The following DRAM1 variants were observed in gnomAD, a reference collection of about 807,000 sequenced individuals.
The protein encoded by DRAM1 is DNA damage-regulated autophagy modulator protein 1.
DRAM1 carries 25 observed loss-of-function variants against 28.5 expected under a neutral mutation model. The ratio of observed to expected loss-of-function variants is 0.88; its 90% CI spans 0.64 to 1.23. DRAM1 has a LOEUF of 1.23. DRAM1 is among the 50% of genes most tolerant of loss of function. DRAM1 has a pLI of 0.00. For synonymous variants in DRAM1, 113 were observed against 114.2 expected (o/e 0.99, Z 0.07); for missense variants, 249 against 299.2 (o/e 0.83, Z 1.24).
At chr12:101,905,257 A>T (rs1873759595) in intron 3 of DRAM1, among the ~76,000 whole-genome samples, 1 of 151,960 alleles carries the variant, frequency 6.6e-6, no homozygotes, top group South Asian at 2.1e-4. Flanking sequence ...TAGGAATCTT[A>T]TTTATTTATT....
chr12:101,898,178 G>A (rs1349294090), intron 2 of DRAM1, among the ~76,000 whole-genome samples: 4 of 151,874 alleles, frequency 2.6e-5, no homozygotes, highest in African/African-American at 9.7e-5. Flanking sequence ...ACACCACCAC[G>A]CCCAGCTAAT....
intron 3 of DRAM1, among the ~76,000 whole-genome samples, chr12:101,905,567 C>T (rs1295742521): frequency 6.6e-6 from 1 of 151,886 alleles, no homozygotes; most frequent in African/African-American, 2.4e-5. Context: ...CAGACATAAG[C>T]CACTGTGCCC....
intron 5 of DRAM1, among the ~76,000 whole-genome samples, chr12:101,919,284 GCA>G (rs545205706): frequency 0.24 from 34,802 of 147,070 alleles, 5,283 homozygotes; most frequent in African/African-American, 0.44. Flanking sequence ...ACACACACAC[GCA>G]CACACACACA....
Position 101,877,752 on chromosome 12 carries a change from G to A in DRAM1, c.-38G>A. On this transcript the variant is annotated 5_prime_UTR_variant, in exon 1 of 7. Coordinates refer to ENST00000258534, the MANE Select transcript of DRAM1 (RefSeq NM_018370.3). This position sits in a 1 kb window ranked among gnomAD's most constrained non-coding sequence, Gnocchi z 4.1. ...CCGGAGCAACCCGGCGCCCGGCCCC[G>A]CTGGGCGCAGCACTCCGTCGGCGGC... 4.2e-6 allele frequency: 6 copies of A among 1,415,144 alleles called. No individual in the cohort carries two copies. The highest frequency in any genetic ancestry group is 5.6e-6 in the Non-Finnish European group (6 of 1,078,006). 87.7% of individuals were successfully genotyped at this position (1,415,144 alleles called of 1,614,324 possible). A position where few individuals can be genotyped will look rare whatever the true frequency, so the allele number is the denominator to read the frequency against.
Position 101,901,420 on chromosome 12 carries a change from T to C in DRAM1, c.329T>C (p.Val110Ala). 6.2e-7 allele frequency: 1 copy of C among 1,614,106 alleles called. No individual in the cohort carries two copies. The highest frequency in any genetic ancestry group is 8.5e-7 in the Non-Finnish European group (1 of 1,179,990). ...GTGGGATGTTTCGGAATGGGCATTG[T>C]CGCCAATTTTCAGGTATAATCTGGA... is the stretch of plus-strand genomic sequence containing the variant. ...GLVGCFGMGI[V>A]ANFQELAVPV... The change falls in exon 3 of 7, where the codon GTC becomes GCC. Residue 110 changes from valine to alanine, a missense_variant. Val to Ala is a moderately conservative substitution (Grantham distance 64). This residue lies in a region of DRAM1 where 218 missense variants were observed against 243.1 expected (regional missense o/e 0.90). Coordinates refer to ENST00000258534, the MANE Select transcript of DRAM1 (RefSeq NM_018370.3).
chr12:101,909,043 CCT>C (rs1164508565), intron 4 of DRAM1, among the ~76,000 whole-genome samples: 3 of 151,580 alleles, frequency 2.0e-5, no homozygotes. Context: ...GGGTGGATCA[CCT>C]GAGGTTGAGA....
chr12:101,901,868 C>CA (rs57574986), intron 3 of DRAM1, among the ~76,000 whole-genome samples: 15,034 of 114,198 alleles, frequency 0.13, 996 homozygotes, highest in Middle Eastern at 0.25. Context: ...GACTCTATCT[C>CA]AAAAAAAAAA....
intron 3 of DRAM1, among the ~76,000 whole-genome samples, chr12:101,902,640 G>T (rs1873648932): frequency 6.6e-6 from 1 of 152,178 alleles, no homozygotes; most frequent in Admixed American, 6.5e-5. Context: ...CCATTTAAGG[G>T]CTGACTTTAA....
chr12:101,899,230 G>T (rs1161495041), intron 2 of DRAM1, among the ~76,000 whole-genome samples: 7 of 152,190 alleles, frequency 4.6e-5, no homozygotes, highest in African/African-American at 1.4e-4. Context: ...TAGCAATATG[G>T]AGTCAGTCAA....
At chr12:101,890,253 A>G (rs1201589464) in intron 1 of DRAM1, 4 of 322,054 alleles carry the variant, frequency 1.2e-5, no homozygotes, top group African/African-American at 2.3e-5. Context: ...TAATTTTTGT[A>G]TTTTTTAGTA....
chr12:101,885,432 A>G (rs531704107), intron 1 of DRAM1, among the ~76,000 whole-genome samples: 1 of 152,056 alleles, frequency 6.6e-6, no homozygotes, highest in South Asian at 2.1e-4. Context: ...GTTTAACACC[A>G]GGTTTCCCAT....
chr12:101,886,692 T>G (rs547705580), intron 1 of DRAM1, among the ~76,000 whole-genome samples: 1 of 152,238 alleles, frequency 6.6e-6, no homozygotes, highest in Non-Finnish European at 1.5e-5. Flanking sequence ...CTTGCTTCTC[T>G]TACCCATGTC....
In DRAM1 at chr12:101,877,666, C is replaced by G. The variant is rs959829049; in HGVS notation, c.-124C>G. 34 of 672,330 alleles carry G rather than the reference C, an allele frequency of 5.1e-5. No individual in the cohort carries two copies. The highest frequency in any genetic ancestry group is 6.8e-5 in the Non-Finnish European group (33 of 488,808). 41.6% of individuals were successfully genotyped at this position (672,330 alleles called of 1,614,324 possible). Reference sequence around the variant, plus strand: ...CCGGGGCTGGGCCTGCCCCGGCCGTCGCGGAGCCTCCCCTCCCACCGTCCG... The same window carrying G: ...CCGGGGCTGGGCCTGCCCCGGCCGTGGCGGAGCCTCCCCTCCCACCGTCCG... On this transcript the variant is annotated 5_prime_UTR_variant, in exon 1 of 7. Transcript: ENST00000258534. This position sits in a 1 kb window ranked among gnomAD's most constrained non-coding sequence, Gnocchi z 4.1.
At chr12:101,893,478 G>A (rs1594296872) in intron 1 of DRAM1, among the ~76,000 whole-genome samples, 1 of 152,092 alleles carries the variant, frequency 6.6e-6, no homozygotes, top group Non-Finnish European at 1.5e-5. Context: ...TTTGCTCCCC[G>A]CCCCCAATCA....
intron 1 of DRAM1, among the ~76,000 whole-genome samples, chr12:101,889,193 G>A (rs955015363): frequency 6.6e-6 from 1 of 152,100 alleles, no homozygotes; most frequent in African/African-American, 2.4e-5. Flanking sequence ...AAGAGTTGTT[G>A]TGAGCCAAGG....
chr12:101,877,882 G>A lies in DRAM1; in HGVS notation c.93G>A (p.Val31=). Reference sequence around the variant, plus strand: ...TCATTATCTCCTACGTGGTCGCCGTGCTCTCCGGGCACGTCAACCCCTTCC... The same window carrying A: ...TCATTATCTCCTACGTGGTCGCCGTACTCTCCGGGCACGTCAACCCCTTCC... ...AAFIISYVVA[V]LSGHVNPFLP... Residue 31 remains valine (V), a synonymous_variant, in exon 1 of 7, where the codon GTG becomes GTA. Coordinates refer to ENST00000258534, the MANE Select transcript of DRAM1 (RefSeq NM_018370.3). This position sits in a 1 kb window ranked among gnomAD's most constrained non-coding sequence, Gnocchi z 4.1. The A allele has an allele frequency of 6.5e-7, 1 of 1,544,030 alleles. No individual in the cohort carries two copies. Among genetic ancestry groups the A allele is most frequent in the East Asian group, 2.5e-5 (1 of 40,614 alleles).
At chr12:101,893,913 TG>T (rs1465798758) in intron 1 of DRAM1, among the ~76,000 whole-genome samples, 2 of 144,530 alleles carry the variant, frequency 1.4e-5, no homozygotes, top group African/African-American at 2.9e-5. Flanking sequence ...TTCACCTGTA[TG>T]TTTTTTTTTA....
At chr12:101,914,330 A>C in intron 5 of DRAM1, 98 bp downstream of exon 5, 1 of 776,982 alleles carries the variant, frequency 1.3e-6, no homozygotes, top group East Asian at 2.8e-5. Context: ...TCCTTAGAAC[A>C]AGTTGCAAAA....
Position 101,885,379 on chromosome 12 carries a change from G to T in DRAM1, c.131+7459G>T, listed in dbSNP as rs140122224. Among the ~76,000 whole-genome samples the T allele has an allele frequency of 4.8e-3, 724 of 152,256 alleles. 4 individuals carry two copies. The highest frequency in any genetic ancestry group is 0.016 in the African/African-American group (685 of 41,546). On this transcript the variant is annotated intron_variant, in intron 1 of 6. Transcript: ENST00000258534. ...TCAAATCGAGGGAGGGAGCTGCTCTGCTACTACGAAACCCTGCCCCAGAAG... is the reference window on the plus strand; with the variant it reads ...TCAAATCGAGGGAGGGAGCTGCTCTTCTACTACGAAACCCTGCCCCAGAAG...
Sources: allele counts gnomAD v4.1 joint callset (sites outside exome capture counted in the v4.1 genomes callset), GRCh38; gene constraint gnomAD v4.1.1; regional missense constraint gnomAD v4.1.1; non-coding constraint Gnocchi (gnomAD v3.1); transcripts MANE v1.5; gene names NCBI Gene and HGNC (gene_info 2026-07-23, HGNC 2026-07-21).